UTRN: variants seen among roughly 807,000 people sequenced by gnomAD.
UTRN encodes the protein utrophin, also known as dystrophin-related protein 1.
Under a neutral mutation model 463.9 loss-of-function variants are expected in UTRN, and 283 were observed. That is an observed-to-expected ratio of 0.61 (90% CI 0.55 to 0.67). The LOEUF is 0.67. Ranked by LOEUF, UTRN falls within the 30% of genes least tolerant of loss-of-function variation. UTRN has a pLI of 0.00. For synonymous variants in UTRN, 1,442 were observed against 1,431.5 expected (o/e 1.01, Z -0.17); for missense variants, 3,922 against 4,084.3 (o/e 0.96, Z 1.08).
intron 51 of UTRN, among the ~76,000 whole-genome samples, chr6:144,628,880 G>C (rs1225756411): frequency 6.6e-6 from 1 of 152,120 alleles, no homozygotes; most frequent in East Asian, 1.9e-4. Flanking sequence ...AGGTTCTGGA[G>C]TTGAGGGCTG....
At chr6:144,641,278 A>T (rs988309196) in intron 51 of UTRN, among the ~76,000 whole-genome samples, 2 of 152,082 alleles carry the variant, frequency 1.3e-5, no homozygotes, top group Non-Finnish European at 2.9e-5. Context: ...AAATGGAGGG[A>T]CGGGTGCTTC....
At chr6:144,640,180 C>A (rs1389270548) in intron 51 of UTRN, among the ~76,000 whole-genome samples, 2 of 152,058 alleles carry the variant, frequency 1.3e-5, no homozygotes, top group African/African-American at 4.8e-5. Flanking sequence ...TAAGACATAT[C>A]GTGGAAACAT....
intron 34 of UTRN, among the ~76,000 whole-genome samples, chr6:144,509,027 A>G (rs1038277749): frequency 6.6e-6 from 1 of 152,124 alleles, no homozygotes; most frequent in East Asian, 1.9e-4. Context: ...CATTTTTGGT[A>G]TATATCTTAT....
At chr6:144,711,792 C>T (rs759287065) in intron 53 of UTRN, among the ~76,000 whole-genome samples, 6 of 152,222 alleles carry the variant, frequency 3.9e-5, no homozygotes, top group Admixed American at 1.3e-4. Flanking sequence ...CTCAGGGCTA[C>T]TCTGGCCTTT....
chr6:144,438,394 T>C (rs1418141888), intron 11 of UTRN, among the ~76,000 whole-genome samples: 1 of 152,270 alleles, frequency 6.6e-6, no homozygotes, highest in Admixed American at 6.5e-5. Flanking sequence ...ACTTTTATTT[T>C]AAAGCTTTCT....
At chr6:144,740,047 A>G (rs1789877504) in intron 54 of UTRN, among the ~76,000 whole-genome samples, 1 of 152,158 alleles carries the variant, frequency 6.6e-6, no homozygotes, top group Non-Finnish European at 1.5e-5. Context: ...TCTCATAATA[A>G]TTCCTTGAAG....
At chr6:144,361,017 G>T (rs1779037436) in intron 2 of UTRN, among the ~76,000 whole-genome samples, 1 of 152,182 alleles carries the variant, frequency 6.6e-6, no homozygotes. Context: ...CAGACCAGGA[G>T]AACAGAAATA....
intron 46 of UTRN, among the ~76,000 whole-genome samples, chr6:144,544,031 G>A (rs866469749): frequency 2.6e-5 from 4 of 152,110 alleles, no homozygotes; most frequent in Admixed American, 6.6e-5. Flanking sequence ...TTATAAAATC[G>A]TCATGGGTTA....
chr6:144,293,993 T>A (rs1413142023), intron 2 of UTRN, among the ~76,000 whole-genome samples: 2 of 152,124 alleles, frequency 1.3e-5, no homozygotes, highest in Non-Finnish European at 2.9e-5. Flanking sequence ...ATGAAAAATG[T>A]TTTTTAAAAA....
At chr6:144,501,281 ATTTAAG>A (rs1254803107) in intron 34 of UTRN, among the ~76,000 whole-genome samples, 1 of 152,198 alleles carries the variant, frequency 6.6e-6, no homozygotes, top group African/African-American at 2.4e-5. Flanking sequence ...TTGTTGTTAA[ATTTAAG>A]TTTTTCAAGG....
At chr6:144,451,194 C>G (rs1430841252) in intron 17 of UTRN, among the ~76,000 whole-genome samples, 176 bp from the exon 18 acceptor site, 1 of 152,158 alleles carries the variant, frequency 6.6e-6, no homozygotes, top group Non-Finnish European at 1.5e-5. Context: ...TCTTTTCATA[C>G]TTTTAGTTGT....
intron 25 of UTRN, 74 bp downstream of exon 25, chr6:144,474,833 A>G: frequency 6.7e-7 from 1 of 1,497,958 alleles, no homozygotes. Context: ...GACTAAATGT[A>G]TTATGACCCA....
chr6:144,410,816 GTGTGTA>G (rs549644070), intron 3 of UTRN, among the ~76,000 whole-genome samples: 5,440 of 136,000 alleles, frequency 0.04, 319 homozygotes, highest in African/African-American at 0.14. Context: ...GTGTGTGTGT[GTGTGTA>G]TATACACACC....
At chr6:144,634,291 T>G (rs1776863119) in intron 51 of UTRN, among the ~76,000 whole-genome samples, 1 of 152,180 alleles carries the variant, frequency 6.6e-6, no homozygotes, top group African/African-American at 2.4e-5. Context: ...GGTGAAGAAG[T>G]CCTGGTATCA....
intron 23 of UTRN, among the ~76,000 whole-genome samples, chr6:144,468,591 AATGT>A (rs543252203): frequency 0.014 from 2,136 of 150,396 alleles, 26 homozygotes; most frequent in African/African-American, 0.022. Context: ...CCCTTAAAGA[AATGT>A]GTGTGTGTGT....
chr6:144,389,501 A>C (rs949238287), intron 2 of UTRN, among the ~76,000 whole-genome samples: 14 of 151,864 alleles, frequency 9.2e-5, no homozygotes, highest in Non-Finnish European at 1.9e-4. Flanking sequence ...GCTTAAAAAA[A>C]TTTTTTTTGC....
In UTRN at chr6:144,451,405, T is replaced by G. The variant is rs1412127382; in HGVS notation, c.2108T>G (p.Ile703Ser). The G allele has an allele frequency of 6.2e-7, 1 of 1,613,494 alleles. No individual in the cohort carries two copies. Among genetic ancestry groups the G allele is most frequent in the South Asian group, 1.1e-5 (1 of 91,054 alleles). The change falls in exon 18 of 75, where the codon ATT becomes AGT. Residue 703 changes from isoleucine to serine, a missense_variant. Coordinates refer to ENST00000367545, the MANE Select transcript of UTRN (RefSeq NM_007124.3). Reference protein sequence around the residue: ...DAISAELLNWILKWKTAIQTT... With the variant: ...DAISAELLNWSLKWKTAIQTT... ...ATAAGTGCAGAGCTGTTGAACTGGA[T>G]TTTGAAATGGAAAACTGCCATTCAG...
intron 53 of UTRN, among the ~76,000 whole-genome samples, chr6:144,721,723 G>T (rs1463003882): frequency 6.6e-6 from 1 of 152,178 alleles, no homozygotes; most frequent in Admixed American, 6.5e-5. Context: ...TGGAATATTT[G>T]TGTATCCATA....
At chr6:144,702,092 A>G (rs894513474) in intron 53 of UTRN, among the ~76,000 whole-genome samples, 1 of 152,208 alleles carries the variant, frequency 6.6e-6, no homozygotes, top group African/African-American at 2.4e-5. Context: ...GAATAACACA[A>G]AGCTCTTCTA....
Sources: gnomAD v4.1 joint callset for allele counts (sites outside exome capture counted in the v4.1 genomes callset) on GRCh38, gnomAD v4.1.1 for gene constraint, MANE v1.5 for transcripts, NCBI Gene and HGNC (gene_info 2026-07-23, HGNC 2026-07-21) for gene names.